Variants in SLC9A9 observed in about 807,000 individuals in gnomAD.
SLC9A9 encodes the protein sodium/hydrogen exchanger 9.
SLC9A9 carries 62 observed loss-of-function variants against 77.8 expected under a neutral mutation model. The observed-to-expected ratio is 0.80, with a 90% CI of 0.65 to 0.98. The LOEUF is 0.98. Ranked by LOEUF, SLC9A9 falls within the 50% of genes least tolerant of loss-of-function variation. SLC9A9 has a pLI of 0.00. For missense variants in SLC9A9, 775 were observed against 774.9 expected (o/e 1.00, Z 0.00); for synonymous variants, 320 against 283.5 (o/e 1.13, Z -1.29).
At chr3:143,579,012 G>A (rs558627367) in intron 6 of SLC9A9, among the ~76,000 whole-genome samples, 1 of 152,268 alleles carries the variant, frequency 6.6e-6, no homozygotes, top group South Asian at 2.1e-4. Context: ...ATTAAAACAT[G>A]GTAGGTGTAT....
chr3:143,820,530 G>C (rs936917623), intron 2 of SLC9A9, among the ~76,000 whole-genome samples: 3 of 152,176 alleles, frequency 2.0e-5, no homozygotes, highest in African/African-American at 7.2e-5. Context: ...TGCACACTTG[G>C]ATTGGCTGCT....
At chr3:143,274,308 A>G (rs953859064) in intron 14 of SLC9A9, among the ~76,000 whole-genome samples, 1 of 152,146 alleles carries the variant, frequency 6.6e-6, no homozygotes, top group Non-Finnish European at 1.5e-5. Context: ...TAGCATTTCC[A>G]TATGTCTTAT....
chr3:143,349,857 A>G (rs1005430906), intron 14 of SLC9A9, among the ~76,000 whole-genome samples: 3 of 152,234 alleles, frequency 2.0e-5, no homozygotes, highest in Non-Finnish European at 4.4e-5. Flanking sequence ...ATTTTTGAGT[A>G]GGATATTAAT....
intron 6 of SLC9A9, among the ~76,000 whole-genome samples, chr3:143,645,677 C>T (rs1049455355): frequency 1.3e-5 from 2 of 152,178 alleles, no homozygotes; most frequent in Admixed American, 6.5e-5. Context: ...AAGTGCCAAG[C>T]GTTCACTGGT....
chr3:143,489,399 A>C (rs1470377917), intron 11 of SLC9A9, among the ~76,000 whole-genome samples: 1 of 151,966 alleles, frequency 6.6e-6, no homozygotes, highest in Non-Finnish European at 1.5e-5. Context: ...AAATTAATAC[A>C]GATATTTAAG....
chr3:143,278,986 G>GA (rs11452809), intron 14 of SLC9A9, among the ~76,000 whole-genome samples: 37,142 of 152,064 alleles, frequency 0.24, 8,750 homozygotes, highest in African/African-American at 0.62. Flanking sequence ...TCATACAGGA[G>GA]AAGATATACT....
chr3:143,530,310 C>T (rs2036482833), intron 9 of SLC9A9, among the ~76,000 whole-genome samples: 1 of 152,184 alleles, frequency 6.6e-6, no homozygotes, highest in Non-Finnish European at 1.5e-5. Context: ...ATCATGGGGG[C>T]TGTTTCCCCC....
chr3:143,779,918 A>G (rs1360517594), intron 4 of SLC9A9, among the ~76,000 whole-genome samples: 3 of 152,192 alleles, frequency 2.0e-5, no homozygotes, highest in Non-Finnish European at 4.4e-5. Flanking sequence ...CATTCTTGCA[A>G]ATGAGTCTCC....
At chr3:143,374,566 C>T (rs571963500) in intron 13 of SLC9A9, among the ~76,000 whole-genome samples, 40 of 150,920 alleles carry the variant, frequency 2.7e-4, no homozygotes, top group Admixed American at 1.1e-3. Context: ...CACTATTTAA[C>T]AGATAAAGAA....
chr3:143,796,974 A>C, intron 2 of SLC9A9, 71 bp from the exon 3 acceptor site: 2 of 1,238,902 alleles, frequency 1.6e-6, no homozygotes, highest in Non-Finnish European at 2.4e-6. Context: ...TGTTTCAAAA[A>C]ACAGTTGTAA....
At chr3:143,296,042 TTTTTCTTGAATTAATTA>T (rs1305702179) in intron 14 of SLC9A9, among the ~76,000 whole-genome samples, 2 of 152,166 alleles carry the variant, frequency 1.3e-5, no homozygotes, top group Non-Finnish European at 2.9e-5. Context: ...CTGGATAACT[TTTTTCTTGAATTAATTA>T]TTTTGGTAAG....
intron 14 of SLC9A9, among the ~76,000 whole-genome samples, chr3:143,315,306 T>C (rs2031170048): frequency 6.6e-6 from 1 of 152,226 alleles, no homozygotes; most frequent in Non-Finnish European, 1.5e-5. Context: ...CTCTCTAAAA[T>C]TAGATCTTTG....
At chr3:143,306,298 C>A (rs893436286) in intron 14 of SLC9A9, among the ~76,000 whole-genome samples, 3 of 152,198 alleles carry the variant, frequency 2.0e-5, no homozygotes, top group Non-Finnish European at 4.4e-5. Context: ...CTTCCTGCCA[C>A]CACAGGCTCG....
chr3:143,290,041 C>T (rs1235554211), intron 14 of SLC9A9, among the ~76,000 whole-genome samples: 1 of 152,208 alleles, frequency 6.6e-6, no homozygotes, highest in Admixed American at 6.5e-5. Context: ...GCTATCTTAT[C>T]CTCAGTAATT....
chr3:143,343,717 G>A (rs2032178098), intron 14 of SLC9A9: 1 of 152,160 alleles, frequency 6.6e-6, no homozygotes, highest in Non-Finnish European at 1.5e-5. Context: ...AAATGACAGA[G>A]AATATACACC....
intron 4 of SLC9A9, among the ~76,000 whole-genome samples, chr3:143,703,713 A>T (rs11927598): frequency 0.53 from 80,920 of 151,822 alleles, 21,957 homozygotes; most frequent in Non-Finnish European, 0.57. Flanking sequence ...GAAATAATAA[A>T]GATCAGAGCA....
intron 9 of SLC9A9, among the ~76,000 whole-genome samples, chr3:143,525,655 ATGT>A (rs1478099905): frequency 6.6e-6 from 1 of 152,210 alleles, no homozygotes. Context: ...ACCAAGGAAC[ATGT>A]TGTCCCTTTC....
At chr3:143,298,892 A>G (rs1477621424) in intron 14 of SLC9A9, among the ~76,000 whole-genome samples, 1 of 152,222 alleles carries the variant, frequency 6.6e-6, no homozygotes, top group African/African-American at 2.4e-5. Context: ...TGTACAGGCT[A>G]TGGAACAAAT....
In SLC9A9 at chr3:143,370,600, C is replaced by CACACAT. The variant is rs2033037617; in HGVS notation, c.1525-7038_1525-7037insATGTGT. On this transcript the variant is annotated intron_variant, in intron 13 of 15. Coordinates refer to ENST00000316549, the MANE Select transcript of SLC9A9 (RefSeq NM_173653.4). ...ACACACACACACACACACACACACA[C>CACACAT]ACCCTAACAAATAATTTTCCTGGAA... Among the ~76,000 whole-genome samples the CACACAT allele has an allele frequency of 3.3e-5, 5 of 151,378 alleles. No individual in the cohort carries two copies. In the South Asian group the frequency reaches 1.0e-3, roughly 32 times the overall value.
Sources: allele counts gnomAD v4.1 joint callset (sites outside exome capture counted in the v4.1 genomes callset), GRCh38; gene constraint gnomAD v4.1.1; transcripts MANE v1.5; gene names NCBI Gene and HGNC (gene_info 2026-07-23, HGNC 2026-07-21).